ZNF84: variants seen among roughly 807,000 people sequenced by gnomAD.
ZNF84 encodes zinc finger protein HPF2.
A neutral mutation model predicts 14.8 loss-of-function variants in ZNF84; 12 were observed. The observed-to-expected ratio is 0.81, with a 90% CI of 0.52 to 1.31. The LOEUF is 1.31. Ranked by LOEUF, ZNF84 falls within the 50% of genes most tolerant of loss-of-function variation. The pLI is 0.00. For synonymous variants in ZNF84, 347 were observed against 291.1 expected (o/e 1.19, Z -1.96); for missense variants, 859 against 878.6 (o/e 0.98, Z 0.28).
chr12:133,048,799 A>T lies in ZNF84; in HGVS notation c.189A>T (p.Gly63=). 6.2e-7 allele frequency: 1 copy of T among 1,613,840 alleles called. No individual in the cohort carries two copies. The highest frequency in any genetic ancestry group is 8.5e-7 in the Non-Finnish European group (1 of 1,179,902). Residue 63 remains glycine, a synonymous_variant, in exon 4 of 5, where the codon GGA becomes GGT. Coordinates refer to ENST00000539354, the MANE Select transcript of ZNF84 (RefSeq NM_001289971.2). The part of the protein sequence containing the change: ...KPDVIFKLEQ[G]EEPWVGDGEI... ...ATGTCATCTTCAAATTGGAGCAAGGAGAAGAGCCGTGGGTAGGAGATGGAG... is the reference window on the plus strand; with the variant it reads ...ATGTCATCTTCAAATTGGAGCAAGGTGAAGAGCCGTGGGTAGGAGATGGAG...
At chr12:133,056,872 A>G (rs1213471024) in intron 4 of ZNF84, 82 bp from the exon 5 acceptor site, 3 of 1,278,724 alleles carry the variant, frequency 2.3e-6, no homozygotes, top group Non-Finnish European at 3.2e-6. Context: ...CCAACCCCTC[A>G]ACATAGCATT....
At chr12:133,045,331 C>A (rs112980598) in intron 2 of ZNF84, among the ~76,000 whole-genome samples, 1 of 152,048 alleles carries the variant, frequency 6.6e-6, no homozygotes, top group African/African-American at 2.4e-5. Context: ...ATTAGCTGGG[C>A]GTAGTGGCAG....
At chr12:133,050,109 G>A (rs1954047265) in intron 4 of ZNF84, among the ~76,000 whole-genome samples, 1 of 152,126 alleles carries the variant, frequency 6.6e-6, no homozygotes, top group Admixed American at 6.6e-5. Context: ...GAACTTATTG[G>A]GGACATGGTC....
rs1293558823 is a variant in ZNF84 at position 133,057,403 on chromosome 12, A to C, written c.688A>C (p.Ile230Leu). 2 of 1,614,070 alleles carry C rather than the reference A, an allele frequency of 1.2e-6. No homozygotes were observed. Among genetic ancestry groups the C allele is most frequent in the Non-Finnish European group, 1.7e-6 (2 of 1,180,044 alleles). Residue 230 changes from isoleucine to leucine, a missense_variant, in exon 5 of 5, where the codon ATA (isoleucine) becomes CTA (leucine). Coordinates refer to ENST00000539354, the MANE Select transcript of ZNF84 (RefSeq NM_001289971.2). ...TCTCATTAAACATCAGAGCAGACAT[A>C]TAAGAGACATAGCCTTTGGCTGTGG... ...PSLIKHQSRH[I>L]RDIAFGCGNC...
rs1954170371 is a variant in ZNF84 at position 133,056,977 on chromosome 12, A to G, written c.262A>G (p.Met88Val). 6.3e-7 allele frequency: 1 copy of G among 1,589,452 alleles called. No individual in the cohort carries two copies. The highest frequency in any genetic ancestry group is 8.5e-7 in the Non-Finnish European group (1 of 1,171,864). Residue 88 changes from methionine (M) to valine (V), a missense_variant, in exon 5 of 5, where the codon ATG becomes GTG. Transcript: ENST00000539354. ...SPEVWKVDGNMMWHQDNQDKL... is the reference protein window; with the variant it reads ...SPEVWKVDGNVMWHQDNQDKL... Reference sequence around the variant, plus strand: ...AGAAGTCTGGAAAGTAGATGGTAACATGATGTGGCACCAGGATAACCAAGA... The same window carrying G: ...AGAAGTCTGGAAAGTAGATGGTAACGTGATGTGGCACCAGGATAACCAAGA...
At position 133,048,675 on chromosome 12, in the gene ZNF84, G is replaced by A. The variant is rs1170550785; in HGVS notation, c.143-78G>A. 33 of 1,096,466 alleles carry A rather than the reference G, an allele frequency of 3.0e-5. No individual in the cohort carries two copies. The Middle Eastern group carries it at 1.2e-3, about 40-fold the overall frequency. The allele number at this position is 1,096,466 out of a possible 1,614,324, so 67.9% of individuals were successfully genotyped here. ...ACAGCTTCACCAGGCCAACTTTGAT[G>A]TGAAACCTTGCTCAACTTTAGAGGC... On this transcript the variant is annotated intron_variant, in intron 3 of 4. Transcript: ENST00000539354.
chr12:133,050,473 T>C, intron 4 of ZNF84: 1 of 398,634 alleles, frequency 2.5e-6, no homozygotes, highest in Non-Finnish European at 4.4e-6. Context: ...TGTCAGAGTA[T>C]TGGCGATGCA....
Position 133,058,243 on chromosome 12 carries a change from A to T in ZNF84, c.1528A>T (p.Thr510Ser). 6.2e-7 allele frequency: 1 copy of T among 1,614,122 alleles called. No individual in the cohort carries two copies. The highest frequency in any genetic ancestry group is 2.2e-5 in the East Asian group (1 of 44,878). Residue 510 changes from threonine to serine, a missense_variant, in exon 5 of 5, where the codon ACA becomes TCA. Coordinates refer to ENST00000539354, the MANE Select transcript of ZNF84 (RefSeq NM_001289971.2). ...LSLTNHQRIH[T>S]GEKPYVCSEC... ...TCTCACTAATCATCAAAGAATTCAT[A>T]CAGGAGAAAAACCATATGTATGCAG...
At chr12:133,048,590 C>G (rs1954023233) in intron 3 of ZNF84, 163 bp from the exon 4 acceptor site, 2 of 534,026 alleles carry the variant, frequency 3.7e-6, no homozygotes, top group Non-Finnish European at 6.8e-6. Flanking sequence ...GTACTAGACC[C>G]TATTAGCCAC....
At chr12:133,050,578 C>G (rs1954053818) in intron 4 of ZNF84, 2 of 398,614 alleles carry the variant, frequency 5.0e-6, no homozygotes, top group Non-Finnish European at 8.8e-6. Flanking sequence ...TTCCTATCTC[C>G]CATTCATGGT....
At chr12:133,049,275 C>A (rs1954035413) in intron 4 of ZNF84, among the ~76,000 whole-genome samples, 1 of 152,100 alleles carries the variant, frequency 6.6e-6, no homozygotes, top group Admixed American at 6.5e-5. Flanking sequence ...AAAGACACCT[C>A]CGTTTGTACA....
In ZNF84 at chr12:133,058,788, C is replaced by G. The variant is rs1434781921; in HGVS notation, c.2073C>G (p.Ala691=). ...ATGGATGCAGTGAATGTAGGAAGGC[C>G]TTCTCTCAGAAGTCACAGCTGGTTA... ...KPYGCSECRK[A]FSQKSQLVNH... The change falls in exon 5 of 5, where the codon GCC becomes GCG. Residue 691 remains alanine (A), a synonymous_variant. Transcript: ENST00000539354. 4 of 1,613,874 alleles carry G rather than the reference C, an allele frequency of 2.5e-6. No homozygotes were observed. The South Asian group carries it at 3.3e-5, about 13-fold the overall frequency.
At chr12:133,054,651 A>G (rs1324255362) in intron 4 of ZNF84, among the ~76,000 whole-genome samples, 1 of 149,410 alleles carries the variant, frequency 6.7e-6, no homozygotes, top group Non-Finnish European at 1.5e-5. Context: ...TATAAACATT[A>G]ACTTGATTTA....
intron 2 of ZNF84, among the ~76,000 whole-genome samples, chr12:133,044,913 CAAAA>C (rs1171770033): frequency 7.2e-6 from 1 of 138,746 alleles, no homozygotes; most frequent in Admixed American, 7.2e-5. Flanking sequence ...GACTCCATCT[CAAAA>C]AAAAAAAGAA....
rs1954291047 is a variant in ZNF84, at chr12:133,063,054, A to C, written c.*4122A>C. 1.4e-6 allele frequency: 1 copy of C among 697,510 alleles called. No homozygotes were observed. Among genetic ancestry groups the C allele is most frequent in the South Asian group, 1.5e-5 (1 of 67,394 alleles). 43.2% of individuals were successfully genotyped at this position (697,510 alleles called of 1,614,324 possible). ...TTTGTCTGTGTAATTTTTGCATCACAAGCTATATTTAAATGTGGGTGCAGT... is the reference window on the plus strand; with the variant it reads ...TTTGTCTGTGTAATTTTTGCATCACCAGCTATATTTAAATGTGGGTGCAGT... On this transcript the variant is annotated 3_prime_UTR_variant, in exon 5 of 5. Coordinates refer to ENST00000539354, the MANE Select transcript of ZNF84 (RefSeq NM_001289971.2).
chr12:133,057,593 G>C lies in ZNF84; in HGVS notation c.878G>C (p.Cys293Ser). ...RTHTGEKPYE[C>S]GECGKAFSRK... ...CATACAGGAGAGAAACCTTATGAGTGTGGTGAATGTGGGAAAGCCTTCTCC... is the reference window on the plus strand; with the variant it reads ...CATACAGGAGAGAAACCTTATGAGTCTGGTGAATGTGGGAAAGCCTTCTCC... Residue 293 changes from cysteine to serine, a missense_variant, in exon 5 of 5, where the codon TGT becomes TCT. Physicochemically the swap from Cys to Ser is moderately radical, Grantham distance 112 (BLOSUM62 -1). Coordinates refer to ENST00000539354, the MANE Select transcript of ZNF84 (RefSeq NM_001289971.2). 8 of 1,614,208 alleles carry C rather than the reference G, an allele frequency of 5.0e-6. No homozygotes were observed. Among genetic ancestry groups the C allele is most frequent in the African/African-American group, 1.3e-5 (1 of 75,068 alleles).
chr12:133,058,507 C>T lies in ZNF84; in HGVS notation c.1792C>T (p.Pro598Ser). The T allele has an allele frequency of 1.2e-6, 2 of 1,614,124 alleles. No individual in the cohort carries two copies. Among genetic ancestry groups the T allele is most frequent in the South Asian group, 2.2e-5 (2 of 91,088 alleles). ...TCAGAGAATTCACACTGGAGAGAAACCCTATGAATGCAGTCTTTGTAGGAA... is the reference window on the plus strand; with the variant it reads ...TCAGAGAATTCACACTGGAGAGAAATCCTATGAATGCAGTCTTTGTAGGAA... The part of the protein sequence containing the change: ...THQRIHTGEK[P>S]YECSLCRKAF... Residue 598 changes from proline (P) to serine (S), a missense_variant, in exon 5 of 5, where the codon CCC becomes TCC. Transcript: ENST00000539354.
rs887038358 is a variant in ZNF84, at chr12:133,052,948, G to A, written c.239-4006G>A. Among the ~76,000 whole-genome samples the A allele has an allele frequency of 5.9e-5, 9 of 152,344 alleles. No individual in the cohort carries two copies. In the South Asian group the frequency reaches 1.9e-3, roughly 32 times the overall value. On this transcript the variant is annotated intron_variant, in intron 4 of 4. Coordinates refer to ENST00000539354, the MANE Select transcript of ZNF84 (RefSeq NM_001289971.2). ...ACGGAATGGAAGCCCATGTGGCTGA[G>A]GTTGGTATGCCTGAGAGATACAGAT...
intron 2 of ZNF84, among the ~76,000 whole-genome samples, chr12:133,042,125 A>G (rs1953898621): frequency 6.6e-6 from 1 of 152,190 alleles, no homozygotes; most frequent in Admixed American, 6.5e-5. Context: ...TCAGTCACTT[A>G]GTAGCCATCT....
Sources: gnomAD v4.1 joint callset for allele counts (sites outside exome capture counted in the v4.1 genomes callset) on GRCh38, gnomAD v4.1.1 for gene constraint, MANE v1.5 for transcripts, NCBI Gene and HGNC (gene_info 2026-07-23, HGNC 2026-07-21) for gene names.